Variants in GRIK2 observed in about 807,000 individuals in gnomAD.
GRIK2 encodes the protein glutamate receptor ionotropic, kainate 2.
A neutral mutation model predicts 100.3 loss-of-function variants in GRIK2; 32 were observed. The observed-to-expected ratio is 0.32, with a 90% confidence interval of 0.24 to 0.43. The LOEUF (loss-of-function observed/expected upper bound fraction) is 0.43, where lower values mean the gene tolerates loss of function less well. Ranked by LOEUF, GRIK2 falls within the 20% of genes least tolerant of loss-of-function variation. The probability of loss-of-function intolerance (pLI) is 1.00; values close to 1 mark genes in which losing one functional copy is unlikely to be tolerated. For synonymous variants in GRIK2, 417 were observed against 389.4 expected (o/e 1.07, Z -0.83); for missense variants, 843 against 1,114.9 (o/e 0.76, Z 3.47).
intron 5 of GRIK2, among the ~76,000 whole-genome samples, chr6:101,678,389 CAG>C (rs1213101666): frequency 1.3e-5 from 2 of 151,832 alleles, no homozygotes; most frequent in Non-Finnish European, 1.5e-5. Context: ...ATACATATAA[CAG>C]AAAAATGTAA....
chr6:101,908,585 G>A (rs963654715), intron 12 of GRIK2, among the ~76,000 whole-genome samples: 1 of 151,132 alleles, frequency 6.6e-6, no homozygotes, highest in Non-Finnish European at 1.5e-5. Context: ...ATCCAGGGAA[G>A]AGGAAGAGAG....
chr6:101,792,957 T>G (rs1583162386), intron 7 of GRIK2, among the ~76,000 whole-genome samples: 1 of 152,312 alleles, frequency 6.6e-6, no homozygotes, highest in East Asian at 1.9e-4. Flanking sequence ...TTTCATTCAT[T>G]TCATCTTCCA....
At chr6:101,703,370 G>A (rs1208561337) in intron 7 of GRIK2, among the ~76,000 whole-genome samples, 1 of 151,868 alleles carries the variant, frequency 6.6e-6, no homozygotes, top group African/African-American at 2.4e-5. Flanking sequence ...GAAGACTAGA[G>A]AAGAAAGTGT....
chr6:101,464,507 T>C (rs1322819034), intron 2 of GRIK2, among the ~76,000 whole-genome samples: 6,662 of 63,246 alleles, frequency 0.11, 742 homozygotes, highest in Non-Finnish European at 0.13. Flanking sequence ...CTTTTTTTTT[T>C]TTTTTTTTTT....
intron 2 of GRIK2, among the ~76,000 whole-genome samples, chr6:101,614,613 T>C (rs572512560): frequency 1.3e-5 from 2 of 151,886 alleles, no homozygotes; most frequent in East Asian, 3.9e-4. Flanking sequence ...AGAAGCTTGA[T>C]GATTTTGTCC....
At chr6:101,505,787 A>AC (rs1773992148) in intron 2 of GRIK2, among the ~76,000 whole-genome samples, 1 of 151,796 alleles carries the variant, frequency 6.6e-6, no homozygotes, top group South Asian at 2.1e-4. Context: ...AAAAAAAAAA[A>AC]AAAAACTAGA....
In GRIK2 at chr6:101,978,248, G is replaced by T. The variant is rs539088204; in HGVS notation, c.2085+49616G>T. 4.0e-5 allele frequency among the ~76,000 whole-genome samples: 6 copies of T among 151,780 alleles called. No homozygotes were observed. In the South Asian group the frequency reaches 8.3e-4, roughly 21 times the overall value. Reference sequence around the variant, plus strand: ...GTTTCAAGATTAAAGGCAGGGGAGTGGTCTCTTCATCAGGGAACTGAGAGT... The same window carrying T: ...GTTTCAAGATTAAAGGCAGGGGAGTTGTCTCTTCATCAGGGAACTGAGAGT... On this transcript the variant is annotated intron_variant, in intron 14 of 16. Coordinates refer to ENST00000369134, the MANE Select transcript of GRIK2 (RefSeq NM_021956.5).
At chr6:101,803,774 C>T (rs965227832) in intron 9 of GRIK2, among the ~76,000 whole-genome samples, 3 of 151,846 alleles carry the variant, frequency 2.0e-5, no homozygotes, top group African/African-American at 7.2e-5. Flanking sequence ...TAGATCCATT[C>T]CTGTCTTGAA....
At chr6:101,557,105 A>C (rs1776785335) in intron 2 of GRIK2, among the ~76,000 whole-genome samples, 1 of 152,202 alleles carries the variant, frequency 6.6e-6, no homozygotes, top group Non-Finnish European at 1.5e-5. Flanking sequence ...ATGCTTAGAA[A>C]GTTGGCTTTG....
At chr6:102,048,500 C>A (rs1771015177) in intron 15 of GRIK2, among the ~76,000 whole-genome samples, 2 of 152,070 alleles carry the variant, frequency 1.3e-5, no homozygotes, top group South Asian at 4.1e-4. Flanking sequence ...AGAACTCAGA[C>A]AACTGAATAG....
intron 12 of GRIK2, among the ~76,000 whole-genome samples, chr6:101,919,530 T>C (rs1236651349): frequency 6.6e-6 from 1 of 151,830 alleles, no homozygotes; most frequent in East Asian, 1.9e-4. Flanking sequence ...AATGGTGAGC[T>C]ACCTAGGTAG....
intron 7 of GRIK2, among the ~76,000 whole-genome samples, chr6:101,770,218 T>C (rs1346321939): frequency 6.6e-6 from 1 of 152,180 alleles, no homozygotes; most frequent in African/African-American, 2.4e-5. Flanking sequence ...ATGATTCTTA[T>C]GCTTTTAAAA....
At position 101,824,109 on chromosome 6, in the gene GRIK2, T is replaced by A. The variant is rs550228462; in HGVS notation, c.1317+5626T>A. ...CATGTTGGTCAGGCTGGTCTTGAAC[T>A]CCTGACTTGTGGTGATCTTCCAGCC... is the stretch of plus-strand genomic sequence containing the variant. On this transcript the variant is annotated intron_variant, in intron 10 of 16. Coordinates refer to ENST00000369134, the MANE Select transcript of GRIK2 (RefSeq NM_021956.5). Among the ~76,000 whole-genome samples, 13 of 152,172 alleles carry A rather than the reference T, an allele frequency of 8.5e-5. No individual in the cohort carries two copies. The South Asian group carries it at 2.5e-3, about 29-fold the overall frequency.
At chr6:101,826,506 G>T (rs1310061302) in intron 10 of GRIK2, among the ~76,000 whole-genome samples, 1 of 151,962 alleles carries the variant, frequency 6.6e-6, no homozygotes, top group Non-Finnish European at 1.5e-5. Context: ...TGACTTTTGA[G>T]CAGTCAAATC....
At chr6:101,986,229 T>TTA (rs1794007888) in intron 14 of GRIK2, among the ~76,000 whole-genome samples, 1 of 151,878 alleles carries the variant, frequency 6.6e-6, no homozygotes, top group Non-Finnish European at 1.5e-5. Context: ...AAATGTAGAC[T>TTA]TATTTTTTAT....
chr6:101,909,375 T>TTTTTTTG (rs1562480881), intron 12 of GRIK2, among the ~76,000 whole-genome samples: 4 of 117,916 alleles, frequency 3.4e-5, no homozygotes, highest in South Asian at 6.4e-4. Context: ...GATAGGGTTT[T>TTTTTTTG]CTTTTTCTTT....
chr6:101,734,110 T>A (rs1562343385), intron 7 of GRIK2, among the ~76,000 whole-genome samples: 1 of 152,098 alleles, frequency 6.6e-6, no homozygotes, highest in African/African-American at 2.4e-5. Context: ...ATGCAGGTAT[T>A]TGTTACAGCA....
At chr6:101,807,766 G>A (rs1041491928) in intron 9 of GRIK2, among the ~76,000 whole-genome samples, 1 of 151,880 alleles carries the variant, frequency 6.6e-6, no homozygotes, top group Non-Finnish European at 1.5e-5. Flanking sequence ...GATTGTTTTG[G>A]GTAGATTGCC....
intron 2 of GRIK2, among the ~76,000 whole-genome samples, chr6:101,562,010 C>T (rs1312270031): frequency 6.6e-6 from 1 of 152,058 alleles, no homozygotes; most frequent in Non-Finnish European, 1.5e-5. Flanking sequence ...GGTCAAGAAA[C>T]ATTACCTTGA....
Sources: allele counts gnomAD v4.1 joint callset (sites outside exome capture counted in the v4.1 genomes callset), GRCh38; gene constraint gnomAD v4.1.1; transcripts MANE v1.5; gene names NCBI Gene and HGNC (gene_info 2026-07-23, HGNC 2026-07-21).